TEX11: variants seen among roughly 807,000 people sequenced by gnomAD.
TEX11 encodes the protein testis expressed 11, also known as testis-expressed protein 11.
Under a neutral mutation model 84.4 loss-of-function variants are expected in TEX11, and 7 were observed. The ratio of observed to expected loss-of-function variants is 0.08; its 90% CI spans 0.05 to 0.16. The LOEUF (loss-of-function observed/expected upper bound fraction) is 0.16. Ranked by LOEUF, TEX11 falls within the 10% of genes least tolerant of loss-of-function variation. The pLI, the probability that TEX11 is intolerant of heterozygous loss-of-function variation, is 1.00. For missense variants in TEX11, 551 were observed against 660.5 expected (o/e 0.83, Z 1.82); for synonymous variants, 264 against 222.8 (o/e 1.18, Z -1.64).
intron 7 of TEX11, among the ~76,000 whole-genome samples, chrX:70,844,598 A>C (rs1260631822): frequency 9.1e-6 from 1 of 110,159 alleles, no homozygotes; most frequent in Non-Finnish European, 1.9e-5. Flanking sequence ...GTACCCTAAA[A>C]CTTAAAGTAC....
intron 25 of TEX11, among the ~76,000 whole-genome samples, chrX:70,567,117 C>T (rs1486943465): frequency 9.0e-6 from 1 of 111,087 alleles, no homozygotes; most frequent in African/African-American, 3.3e-5. Context: ...TCAACTTCTT[C>T]CTGGTTTAGT....
At chrX:70,678,964 C>T in intron 14 of TEX11, 75 bp from the exon 15 acceptor site, 2 of 833,607 alleles carry the variant, frequency 2.4e-6, no homozygotes, top group Non-Finnish European at 3.4e-6. Flanking sequence ...CTCCCTCTCC[C>T]TCTCCCCACG....
At chrX:70,750,929 A>ATATATATATAT (rs1556039277) in intron 9 of TEX11, among the ~76,000 whole-genome samples, 47 of 26,588 alleles carry the variant, frequency 1.8e-3, no homozygotes, top group African/African-American at 4.0e-3. Flanking sequence ...AATAAAAAAA[A>ATATATATATAT]AAAAATATAT....
Position 70,630,680 on chromosome X carries a change from G to C in TEX11, c.1484-945C>G, listed in dbSNP as rs752319376. 2.7e-5 allele frequency among the ~76,000 whole-genome samples: 3 copies of C among 111,989 alleles called. No individual in the cohort carries two copies. The South Asian group carries it at 1.1e-3, about 41-fold the overall frequency. On this transcript the variant is annotated intron_variant, in intron 17 of 29. Transcript: ENST00000374333. Reference sequence around the variant, plus strand: ...TAAATCTATGTGTATCAATATCTATGTTAAATATAAATGACCAAATGACCA... The same window carrying C: ...TAAATCTATGTGTATCAATATCTATCTTAAATATAAATGACCAAATGACCA...
At chrX:70,545,713 C>T (rs1193867302) in intron 28 of TEX11, among the ~76,000 whole-genome samples, 2 of 111,919 alleles carry the variant, frequency 1.8e-5, no homozygotes, top group African/African-American at 6.5e-5. Flanking sequence ...ATGTGCTGTA[C>T]TTTTATATGA....
intron 9 of TEX11, among the ~76,000 whole-genome samples, chrX:70,798,214 A>C (rs905095242): frequency 9.0e-6 from 1 of 110,766 alleles, no homozygotes; most frequent in Non-Finnish European, 1.9e-5. Flanking sequence ...AACTATACCC[A>C]AAAATTAAGA....
chrX:70,856,314 A>C (rs201746516), intron 5 of TEX11, among the ~76,000 whole-genome samples: 1 of 111,497 alleles, frequency 9.0e-6, no homozygotes, highest in East Asian at 2.8e-4. Flanking sequence ...AAAATGGCGG[A>C]ATGAGGGGAG....
intron 2 of TEX11, among the ~76,000 whole-genome samples, chrX:70,888,638 A>G (rs1454871192): frequency 8.9e-6 from 1 of 111,933 alleles, no homozygotes; most frequent in Non-Finnish European, 1.9e-5. Context: ...GATGAGGAAG[A>G]GAAAGACATA....
chrX:70,526,919 G>A (rs986471001), downstream of TEX11, among the ~76,000 whole-genome samples: 2 of 111,798 alleles, frequency 1.8e-5, no homozygotes, highest in Admixed American at 1.9e-4. Flanking sequence ...CATGTCAAAT[G>A]GGGGTAGGAC....
At chrX:70,776,379 T>C (rs1021454227) in intron 9 of TEX11, among the ~76,000 whole-genome samples, 2 of 109,569 alleles carry the variant, frequency 1.8e-5, no homozygotes, top group Non-Finnish European at 3.8e-5. Flanking sequence ...CTGGGCAACA[T>C]TGTGAAACCC....
chrX:70,828,904 T>C (rs940219482), intron 8 of TEX11, among the ~76,000 whole-genome samples: 1 of 111,365 alleles, frequency 9.0e-6, no homozygotes, highest in African/African-American at 3.3e-5. Flanking sequence ...AGCCAACTTA[T>C]CAGCAGAAAC....
rs965131577 is a variant in TEX11, at chrX:70,730,896, C to G, written c.844-5553G>C. ...CACCTATTCCAAAATTGACCACATA[C>G]TTGGAAGTAAAGCACTCCTCAGCAA... On this transcript the variant is annotated intron_variant, in intron 11 of 29. Coordinates refer to ENST00000374333, the MANE Select transcript of TEX11 (RefSeq NM_031276.3). Among the ~76,000 whole-genome samples, 7 of 111,794 alleles carry G rather than the reference C, an allele frequency of 6.3e-5. No homozygotes were observed. The East Asian group carries it at 8.3e-4, about 13-fold the overall frequency.
chrX:70,518,947 T>C, the TEX11 span, among the ~76,000 whole-genome samples: 1 of 111,963 alleles, frequency 8.9e-6, no homozygotes, highest in Non-Finnish European at 1.9e-5. Context: ...CTGCTCTTTT[T>C]TGTTTTCCAT....
Position 70,639,389 on chromosome X carries a change from G to A in TEX11, c.1484-9654C>T, listed in dbSNP as rs183548203. Among the ~76,000 whole-genome samples the A allele has an allele frequency of 5.2e-3, 581 of 112,057 alleles. 4 individuals carry two copies. Among genetic ancestry groups the A allele is most frequent in the African/African-American group, 0.017 (532 of 30,832 alleles). On this transcript the variant is annotated intron_variant, in intron 17 of 29. Transcript: ENST00000374333. ...GCTTGCTTAGGTAAACAAAGCAGCC[G>A]GGAAGCTCGAACTGAGTGGAGCCCA...
the TEX11 span, among the ~76,000 whole-genome samples, chrX:70,519,013 T>A: frequency 8.9e-6 from 1 of 111,895 alleles, no homozygotes; most frequent in Admixed American, 9.6e-5. Flanking sequence ...TGTCTCTGCG[T>A]GTGAGATGGG....
At chrX:70,560,187 G>A (rs760089304) in intron 25 of TEX11, among the ~76,000 whole-genome samples, 2 of 101,772 alleles carry the variant, frequency 2.0e-5, no homozygotes, top group African/African-American at 3.6e-5. Flanking sequence ...TTTCACTCTT[G>A]TTGCCCAGGC....
chrX:70,794,605 T>C (rs1389797620), intron 9 of TEX11, among the ~76,000 whole-genome samples: 2 of 108,454 alleles, frequency 1.8e-5, no homozygotes, highest in Non-Finnish European at 3.8e-5. Flanking sequence ...TAAACAGGGC[T>C]TGGTCTTGCA....
chrX:70,574,679 C>A (rs1485924666), intron 25 of TEX11, among the ~76,000 whole-genome samples: 2 of 111,730 alleles, frequency 1.8e-5, no homozygotes, highest in African/African-American at 3.3e-5. Flanking sequence ...AAAGAATGAA[C>A]AAGACAGACA....
chrX:70,762,427 A>G (rs2090914514), intron 9 of TEX11, among the ~76,000 whole-genome samples: 3 of 111,517 alleles, frequency 2.7e-5, no homozygotes. Flanking sequence ...CGAAGCTCCT[A>G]AAGCAGGAAC....
Sources: allele counts gnomAD v4.1 joint callset (sites outside exome capture counted in the v4.1 genomes callset), GRCh38; gene constraint gnomAD v4.1.1; transcripts MANE v1.5; gene names NCBI Gene and HGNC (gene_info 2026-07-23, HGNC 2026-07-21).